Variants in PTPRT observed in about 807,000 individuals in gnomAD.
The protein encoded by PTPRT is receptor-type tyrosine-protein phosphatase T.
PTPRT carries 56 observed loss-of-function variants against 176.8 expected under a neutral mutation model. The ratio of observed to expected loss-of-function variants is 0.32; its 90% CI spans 0.26 to 0.40. The LOEUF is 0.40. Among genes scored for constraint, PTPRT ranks in the 10% least tolerant of loss-of-function variants. The pLI, the probability that PTPRT is intolerant of heterozygous loss-of-function variation, is 1.00. For synonymous variants in PTPRT, 783 were observed against 739.0 expected (o/e 1.06, Z -0.96); for missense variants, 1,540 against 1,908.2 (o/e 0.81, Z 3.60).
At chr20:42,064,902 G>C in the PTPRT span, among the ~76,000 whole-genome samples, 4 of 152,214 alleles carry the variant, frequency 2.6e-5, no homozygotes, top group South Asian at 8.3e-4. Flanking sequence ...GTGGGAAAAG[G>C]TTACTTAGGT....
At chr20:42,474,071 G>A (rs548277658) in intron 7 of PTPRT, among the ~76,000 whole-genome samples, 48 of 152,276 alleles carry the variant, frequency 3.2e-4, no homozygotes, top group African/African-American at 1.1e-3. Context: ...AGCACTCTAC[G>A]TATGATAACT....
At chr20:42,178,804 C>T (rs543135234) in intron 16 of PTPRT, among the ~76,000 whole-genome samples, 6 of 152,102 alleles carry the variant, frequency 3.9e-5, no homozygotes, top group Non-Finnish European at 8.8e-5. Flanking sequence ...TGGGCTACTG[C>T]AGTATGGGAC....
chr20:42,865,503 T>G (rs769579634), intron 2 of PTPRT, among the ~76,000 whole-genome samples: 5 of 152,200 alleles, frequency 3.3e-5, no homozygotes, highest in Non-Finnish European at 7.3e-5. Flanking sequence ...TAGCTGTGAA[T>G]GGAAAAGTTG....
In PTPRT at chr20:43,035,488, C is replaced by T. The variant is rs1446896019; in HGVS notation, c.89-149556G>A. ...TTACAAAAACAGGTGGTAAGTTGGA[C>T]GTGGTCAGGGTCTGGTCCCTGCCAC... On this transcript the variant is annotated intron_variant, in intron 1 of 30. Coordinates refer to ENST00000373187, the MANE Select transcript of PTPRT (RefSeq NM_007050.6). Among the ~76,000 whole-genome samples, 4 of 152,324 alleles carry T rather than the reference C, an allele frequency of 2.6e-5. No individual in the cohort carries two copies. In the South Asian group the frequency reaches 6.2e-4, roughly 24 times the overall value.
intron 7 of PTPRT, among the ~76,000 whole-genome samples, chr20:42,636,290 C>T (rs570629804): frequency 5.3e-5 from 8 of 152,162 alleles, no homozygotes; most frequent in South Asian, 2.1e-4. Context: ...AATTCACACC[C>T]GTTACATACA....
chr20:43,030,322 A>G (rs916805536), intron 1 of PTPRT, among the ~76,000 whole-genome samples: 2 of 152,212 alleles, frequency 1.3e-5, no homozygotes, highest in Non-Finnish European at 1.5e-5. Flanking sequence ...TGTCTTCTCT[A>G]TCAGGAGTTG....
chr20:43,019,359 A>G (rs6103128), intron 1 of PTPRT, among the ~76,000 whole-genome samples: 3,175 of 152,240 alleles, frequency 0.021, 90 homozygotes, highest in African/African-American at 0.069. Context: ...AGTGGCTCAC[A>G]CCAGTAATCC....
chr20:42,135,796 C>G (rs1214395769), intron 18 of PTPRT, among the ~76,000 whole-genome samples: 2 of 152,108 alleles, frequency 1.3e-5, no homozygotes, highest in Admixed American at 1.3e-4. Flanking sequence ...ATGAGAAATT[C>G]AAGGCTCCAA....
chr20:42,559,694 C>G (rs1044061532), intron 7 of PTPRT, among the ~76,000 whole-genome samples: 2 of 152,190 alleles, frequency 1.3e-5, no homozygotes, highest in African/African-American at 2.4e-5. Flanking sequence ...AACTTGGTCT[C>G]CAAACATCTC....
chr20:42,679,382 C>A (rs55956337), intron 6 of PTPRT, among the ~76,000 whole-genome samples: 6 of 151,912 alleles, frequency 3.9e-5, no homozygotes, highest in Admixed American at 1.3e-4. Flanking sequence ...AACTTATATC[C>A]GCATGCCTTC....
At chr20:42,302,501 C>T (rs993463514) in intron 12 of PTPRT, among the ~76,000 whole-genome samples, 1 of 152,170 alleles carries the variant, frequency 6.6e-6, no homozygotes, top group Non-Finnish European at 1.5e-5. Context: ...CTTCTAATAG[C>T]CAAGTCAAAT....
chr20:42,131,600 A>T (rs1988125554), intron 18 of PTPRT, among the ~76,000 whole-genome samples: 1 of 152,256 alleles, frequency 6.6e-6, no homozygotes, highest in Non-Finnish European at 1.5e-5. Flanking sequence ...TAGCCACCAG[A>T]TGATGGTGTT....
intron 1 of PTPRT, among the ~76,000 whole-genome samples, chr20:42,893,175 A>G (rs994666756): frequency 6.6e-6 from 1 of 152,246 alleles, no homozygotes; most frequent in Non-Finnish European, 1.5e-5. Context: ...CAAGAAAAAA[A>G]CAACCCCATC....
intron 1 of PTPRT, among the ~76,000 whole-genome samples, chr20:42,972,945 C>A (rs577129295): frequency 2.0e-5 from 3 of 152,060 alleles, no homozygotes; most frequent in African/African-American, 7.2e-5. Flanking sequence ...TAATTTTATT[C>A]TATTTTAATT....
intron 2 of PTPRT, among the ~76,000 whole-genome samples, chr20:42,861,282 T>G (rs1298905869): frequency 6.6e-6 from 1 of 152,208 alleles, no homozygotes; most frequent in Non-Finnish European, 1.5e-5. Context: ...TTAATTCCCT[T>G]GATTCTGATC....
intron 1 of PTPRT, among the ~76,000 whole-genome samples, chr20:43,087,516 A>G (rs1484433304): frequency 6.6e-6 from 1 of 151,878 alleles, no homozygotes; most frequent in African/African-American, 2.4e-5. Context: ...GGCATGTGCC[A>G]CCATGCCCAG....
intron 1 of PTPRT, among the ~76,000 whole-genome samples, chr20:43,188,730 T>C (rs1181362405): frequency 1.7e-5 from 2 of 119,180 alleles, no homozygotes; most frequent in Non-Finnish European, 3.3e-5. Context: ...CTCCCTTCTC[T>C]TCCCTCCGCC....
rs146041644 is a variant in PTPRT at position 43,004,525 on chromosome 20, C to T, written c.89-118593G>A. ...AATTAATATCCTGAGTCAACAAATA[C>T]GTCAGGAAATAAACACCTTCATACA... On this transcript the variant is annotated intron_variant, in intron 1 of 30. Transcript: ENST00000373187. Among the ~76,000 whole-genome samples, 9 of 152,288 alleles carry T rather than the reference C, an allele frequency of 5.9e-5. 1 individual carries two copies. The South Asian group carries it at 8.3e-4, about 14-fold the overall frequency.
At chr20:42,332,282 T>G (rs1004851320) in intron 11 of PTPRT, among the ~76,000 whole-genome samples, 3 of 152,110 alleles carry the variant, frequency 2.0e-5, no homozygotes, top group African/African-American at 7.2e-5. Flanking sequence ...TAATCTCGGC[T>G]CACTGCAAGC....
Sources: gnomAD v4.1 joint callset for allele counts (sites outside exome capture counted in the v4.1 genomes callset) on GRCh38, gnomAD v4.1.1 for gene constraint, MANE v1.5 for transcripts, NCBI Gene and HGNC (gene_info 2026-07-23, HGNC 2026-07-21) for gene names.